YIPF1: variants seen among roughly 807,000 people sequenced by gnomAD.
YIPF1 encodes the protein protein YIPF1.
In YIPF1, 22 loss-of-function variants were observed where a neutral mutation model predicts 37.0. The ratio of observed to expected loss-of-function variants is 0.59; its 90% CI spans 0.42 to 0.85. The LOEUF (loss-of-function observed/expected upper bound fraction) is 0.85. Ranked by LOEUF, YIPF1 falls within the 40% of genes least tolerant of loss-of-function variation. YIPF1 has a pLI of 0.00. For synonymous variants in YIPF1, 128 were observed against 131.9 expected (o/e 0.97, Z 0.21); for missense variants, 355 against 373.1 (o/e 0.95, Z 0.40).
At chr1:53,852,682 T>C (rs372512509) in intron 10 of YIPF1, among the ~76,000 whole-genome samples, 3 of 152,130 alleles carry the variant, frequency 2.0e-5, no homozygotes, top group East Asian at 3.9e-4. Flanking sequence ...TGTAAGGTTA[T>C]ACAGGAGATA....
In YIPF1 at chr1:53,866,338, G is replaced by T. The variant is rs1382398922; in HGVS notation, c.693C>A (p.Val231=). The T allele has an allele frequency of 8.1e-6, 13 of 1,614,118 alleles. No homozygotes were observed. The highest frequency in any genetic ancestry group is 6.7e-5 in the East Asian group (3 of 44,876). The change falls in exon 9 of 11, where the codon GTC becomes GTA. Residue 231 remains valine, a synonymous_variant. Transcript: ENST00000072644. Reference sequence around the variant, plus strand: ...ATCCTGAGATGCCCAGGGCAATCATGACTAGAATCCAACGAACAGCTTTCT... The same window carrying T: ...ATCCTGAGATGCCCAGGGCAATCATTACTAGAATCCAACGAACAGCTTTCT... ...IPQKAVRWIL[V]MIALGISGSL...
At chr1:53,878,580 C>A in intron 5 of YIPF1, 62 bp downstream of exon 5, 2 of 1,556,308 alleles carry the variant, frequency 1.3e-6, no homozygotes, top group South Asian at 2.4e-5. Flanking sequence ...TTTGGTTGTT[C>A]AACCATTAAA....
intron 6 of YIPF1, among the ~76,000 whole-genome samples, chr1:53,874,688 A>C (rs1650289849): frequency 6.6e-6 from 1 of 151,906 alleles, no homozygotes; most frequent in East Asian, 1.9e-4. Context: ...AATCACTTGA[A>C]CCCAGGACTC....
Position 53,888,955 on chromosome 1 carries a change from T to C in YIPF1, c.-18A>G. The C allele has an allele frequency of 1.3e-6, 2 of 1,596,126 alleles. No homozygotes were observed. The highest frequency in any genetic ancestry group is 1.7e-6 in the Non-Finnish European group (2 of 1,165,402). On this transcript the variant is annotated 5_prime_UTR_variant, in exon 3 of 11. Coordinates refer to ENST00000072644, the MANE Select transcript of YIPF1 (RefSeq NM_018982.5). ...GCTGCCATTCGGCCAGTGAGTCTTC[T>C]CCCAATTATGAGGAAGAAAATTTGC...
At chr1:53,863,775 T>G (rs1569610080) in intron 9 of YIPF1, among the ~76,000 whole-genome samples, 1 of 152,138 alleles carries the variant, frequency 6.6e-6, no homozygotes, top group African/African-American at 2.4e-5. Flanking sequence ...AGTCTCGATC[T>G]GTCACCCAGG....
intron 3 of YIPF1, among the ~76,000 whole-genome samples, chr1:53,885,931 C>T (rs1406111497): frequency 1.3e-5 from 2 of 151,558 alleles, no homozygotes; most frequent in Non-Finnish European, 2.9e-5. Flanking sequence ...AATTACTACA[C>T]ATTACATGCC....
At chr1:53,872,857 C>A (rs76012007) in intron 6 of YIPF1, among the ~76,000 whole-genome samples, 2,649 of 152,252 alleles carry the variant, frequency 0.017, 80 homozygotes, top group African/African-American at 0.061. Context: ...AGACTGAAAG[C>A]TTTCTGCTGT....
In YIPF1 at chr1:53,878,419, C is replaced by T. The variant is rs1250923861; in HGVS notation, c.277-17G>A. Reference sequence around the variant, plus strand: ...GTCAAAGACCTGGAAAACATCATAGCAGTAATTCTACTGAAGTTTTTTAAG... The same window carrying T: ...GTCAAAGACCTGGAAAACATCATAGTAGTAATTCTACTGAAGTTTTTTAAG... On this transcript the variant is annotated splice_polypyrimidine_tract_variant and intron_variant, in intron 5 of 10. Coordinates refer to ENST00000072644, the MANE Select transcript of YIPF1 (RefSeq NM_018982.5). 2 of 1,609,848 alleles carry T rather than the reference C, an allele frequency of 1.2e-6. No homozygotes were observed. Among genetic ancestry groups the T allele is most frequent in the African/African-American group, 2.7e-5 (2 of 74,660 alleles).
At chr1:53,869,867 C>G (rs910680865) in intron 7 of YIPF1, among the ~76,000 whole-genome samples, 1 of 145,048 alleles carries the variant, frequency 6.9e-6, no homozygotes, top group Admixed American at 6.9e-5. Context: ...ACTTCTTTCT[C>G]CCCGCTTTTT....
intron 7 of YIPF1, 115 bp downstream of exon 7, chr1:53,871,256 TA>T: frequency 1.2e-6 from 1 of 829,092 alleles, no homozygotes; most frequent in Non-Finnish European, 2.0e-6. Context: ...CATTGAACCC[TA>T]AAACACAAAA....
chr1:53,853,810 C>T (rs1013413827), intron 10 of YIPF1, among the ~76,000 whole-genome samples: 3 of 152,146 alleles, frequency 2.0e-5, no homozygotes, highest in Non-Finnish European at 4.4e-5. Flanking sequence ...GGTTCTGAAA[C>T]GCTAAATAAA....
intron 3 of YIPF1, among the ~76,000 whole-genome samples, chr1:53,885,271 T>TG (rs768786068): frequency 3.0e-4 from 46 of 152,334 alleles, no homozygotes; most frequent in Admixed American, 5.2e-4. Flanking sequence ...GTCACAACTT[T>TG]GCTGGAGGGA....
At chr1:53,874,931 A>G (rs980886166) in intron 6 of YIPF1, among the ~76,000 whole-genome samples, 1 of 152,098 alleles carries the variant, frequency 6.6e-6, no homozygotes, top group African/African-American at 2.4e-5. Flanking sequence ...CAATGTATCC[A>G]TTCTCCTGCT....
Position 53,860,089 on chromosome 1 carries a change from G to T in YIPF1, c.896C>A (p.Thr299Lys). Reference protein sequence around the residue: ...LPTTTATPNQTVAAAKSS With the variant: ...LPTTTATPNQKVAAAKSS ...TTAGCTGGACTTGGCTGCAGCAACT[G>T]TTTGGTTTGGAGTAGCTGTAGTTGT... The change falls in exon 10 of 11, where the codon ACA (threonine) becomes AAA (lysine). Residue 299 changes from threonine to lysine, a missense_variant. Transcript: ENST00000072644. 6.2e-7 allele frequency: 1 copy of T among 1,614,104 alleles called. No homozygotes were observed. The highest frequency in any genetic ancestry group is 8.5e-7 in the Non-Finnish European group (1 of 1,179,990).
Position 53,887,916 on chromosome 1 carries a change from T to C in YIPF1, c.31+991A>G, listed in dbSNP as rs12239442. On this transcript the variant is annotated intron_variant, in intron 3 of 10. Transcript: ENST00000072644. The stretch of plus-strand genomic sequence containing the variant: ...ACAGTGCCTGACATATAGTAAATGT[T>C]AGGTAAGGTGTTAATAAAACAAGTA... 1.1e-3 allele frequency among the ~76,000 whole-genome samples: 162 copies of C among 152,280 alleles called. 1 individual carries two copies. Among genetic ancestry groups the C allele is most frequent in the African/African-American group, 3.8e-3 (159 of 41,550 alleles).
At chr1:53,888,090 G>A (rs910431757) in intron 3 of YIPF1, among the ~76,000 whole-genome samples, 16 of 152,210 alleles carry the variant, frequency 1.1e-4, no homozygotes, top group African/African-American at 3.9e-4. Context: ...GTCGGGTGTG[G>A]TGACGGGCAC....
At position 53,871,392 on chromosome 1, in the gene YIPF1, TA is replaced by T. The variant is rs1335999329; in HGVS notation, c.460del (p.Tyr154MetfsTer10). The T allele has an allele frequency of 1.2e-6, 2 of 1,613,766 alleles. No individual in the cohort carries two copies. The highest frequency in any genetic ancestry group is 1.7e-6 in the Non-Finnish European group (2 of 1,179,796). On this transcript the variant is annotated frameshift_variant, in exon 7 of 11. Transcript: ENST00000072644. LOFTEE classifies it high-confidence loss of function. ...CCAACCTTTTCGGAATTCGGGCACA[TA>T]ATGGTACGTCTTCTCTCCCAGATGG... ...LIHLGEKTYH[Y>X]VPEFRKVSIA...
intron 6 of YIPF1, among the ~76,000 whole-genome samples, chr1:53,873,529 T>C (rs1157967984): frequency 6.6e-6 from 1 of 152,122 alleles, no homozygotes; most frequent in African/African-American, 2.4e-5. Context: ...AGGAAGCCTG[T>C]GAATTGGGCC....
chr1:53,885,819 C>CAA (rs55998099), intron 3 of YIPF1, among the ~76,000 whole-genome samples: 1 of 83,882 alleles, frequency 1.2e-5, no homozygotes, highest in African/African-American at 5.0e-5. Flanking sequence ...GACTCGGTCT[C>CAA]AAAAAAAAAA....
Sources: allele counts gnomAD v4.1 joint callset (sites outside exome capture counted in the v4.1 genomes callset), GRCh38; gene constraint gnomAD v4.1.1; transcripts MANE v1.5; gene names NCBI Gene and HGNC (gene_info 2026-07-23, HGNC 2026-07-21).